The following PYM1 variants were observed in gnomAD, a reference collection of about 807,000 sequenced individuals.
The protein encoded by PYM1 is partner of Y14 and mago.
PYM1 carries 7 observed loss-of-function variants against 20.7 expected under a neutral mutation model. The ratio of observed to expected loss-of-function variants is 0.34; its 90% CI spans 0.19 to 0.64. The LOEUF is 0.64. Ranked by LOEUF, PYM1 falls within the 30% of genes least tolerant of loss-of-function variation. PYM1 has a pLI of 0.74. For missense variants in PYM1, 194 were observed against 250.0 expected (o/e 0.78, Z 1.51); for synonymous variants, 100 against 99.2 (o/e 1.01, Z -0.05).
intron 1 of PYM1, among the ~76,000 whole-genome samples, chr12:55,918,343 G>A (rs983256421): frequency 1.3e-5 from 2 of 152,006 alleles, no homozygotes; most frequent in Admixed American, 6.5e-5. Flanking sequence ...CTCATGATCC[G>A]CCCGCTTCGG....
intron 1 of PYM1, among the ~76,000 whole-genome samples, chr12:55,908,652 G>A (rs555827714): frequency 1.4e-4 from 21 of 152,110 alleles, no homozygotes; most frequent in Admixed American, 1.2e-3. Context: ...AGGAGTTCGA[G>A]ACCAGCCTGG....
intron 1 of PYM1, among the ~76,000 whole-genome samples, chr12:55,921,827 ATAAAT>A (rs1883102494): frequency 6.6e-6 from 1 of 152,236 alleles, no homozygotes; most frequent in African/African-American, 2.4e-5. Flanking sequence ...ATTGATATAC[ATAAAT>A]TAATAAAGGA....
chr12:55,904,104 A>T (rs965467949), intron 1 of PYM1, among the ~76,000 whole-genome samples: 2 of 151,932 alleles, frequency 1.3e-5, no homozygotes, highest in Admixed American at 1.3e-4. Context: ...AGTAGCTAGG[A>T]TTACAGGCCC....
At chr12:55,913,400 G>A (rs919661037) in intron 1 of PYM1, among the ~76,000 whole-genome samples, 6 of 152,162 alleles carry the variant, frequency 3.9e-5, no homozygotes, top group South Asian at 2.1e-4. Flanking sequence ...CATATGTAAC[G>A]TGAAAAGAGA....
At chr12:55,918,392 G>A (rs569647972) in intron 1 of PYM1, among the ~76,000 whole-genome samples, 8 of 151,346 alleles carry the variant, frequency 5.3e-5, no homozygotes, top group South Asian at 2.2e-4. Flanking sequence ...GAGCCACTGC[G>A]CCCAACCACA....
At chr12:55,910,901 C>G (rs1168711451) in intron 1 of PYM1, among the ~76,000 whole-genome samples, 1 of 152,066 alleles carries the variant, frequency 6.6e-6, no homozygotes, top group Non-Finnish European at 1.5e-5. Flanking sequence ...GTCTAAAGGC[C>G]TGAGATCGAT....
intron 1 of PYM1, chr12:55,927,031 C>T (rs1213063783): frequency 6.7e-7 from 1 of 1,488,594 alleles, no homozygotes; most frequent in Non-Finnish European, 9.0e-7. Context: ...CGAACCCCTG[C>T]CCCGAGAGCC....
chr12:55,926,888 G>A (rs892793496), intron 1 of PYM1, among the ~76,000 whole-genome samples: 1 of 152,310 alleles, frequency 6.6e-6, no homozygotes, highest in Non-Finnish European at 1.5e-5. Context: ...ACCGGAAGCA[G>A]AGACCCCAAA....
intron 1 of PYM1, among the ~76,000 whole-genome samples, chr12:55,910,486 A>G (rs1882903530): frequency 6.6e-6 from 1 of 152,040 alleles, no homozygotes; most frequent in Admixed American, 6.6e-5. Context: ...CCTGTTGCCC[A>G]GGCTGGAGTG....
chr12:55,924,390 C>T (rs895001106), intron 1 of PYM1, among the ~76,000 whole-genome samples: 4 of 152,016 alleles, frequency 2.6e-5, no homozygotes, highest in Non-Finnish European at 5.9e-5. Context: ...CACCTGTAAT[C>T]CCAACATTTT....
Position 55,901,942 on chromosome 12 carries a change from T to C in PYM1, c.545A>G (p.Glu182Gly), listed in dbSNP as rs1318023450. 6.2e-7 allele frequency: 1 copy of C among 1,614,130 alleles called. No homozygotes were observed. Among genetic ancestry groups the C allele is most frequent in the South Asian group, 1.1e-5 (1 of 91,080 alleles). Reference sequence around the variant, plus strand: ...CCTCCTTGCTAGCTTTTCTAGCTGCTCTTTGCTAGGCTGGCTGACTTCCCC... The same window carrying C: ...CCTCCTTGCTAGCTTTTCTAGCTGCCCTTTGCTAGGCTGGCTGACTTCCCC... ...QAGEVSQPSK[E>G]QLEKLARRRA... is the part of the protein sequence containing the mutation. The change falls in exon 3 of 3, where the codon GAG (glutamate) becomes GGG (glycine). Residue 182 changes from glutamate to glycine, a missense_variant. Physicochemically the swap from Glu to Gly is moderately conservative, Grantham distance 98. Around this residue, in one of 3 missense-constraint regions of PYM1, gnomAD observed 158 missense variants for 179.0 expected, o/e 0.88. Coordinates refer to ENST00000408946, the MANE Select transcript of PYM1 (RefSeq NM_032345.3).
chr12:55,909,153 G>A (rs749446401), intron 1 of PYM1, among the ~76,000 whole-genome samples: 13 of 152,098 alleles, frequency 8.5e-5, no homozygotes, highest in Non-Finnish European at 1.6e-4. Flanking sequence ...TAACTACTAT[G>A]GATATTTTTT....
In PYM1 at chr12:55,905,987, A is replaced by ATCTATTAGATATATATATTATTAT. The variant is rs1565714584; in HGVS notation, c.38-2508_38-2507insATAATAATATATATATCTAATAGA. On this transcript the variant is annotated intron_variant, in intron 1 of 2. Coordinates refer to ENST00000408946, the MANE Select transcript of PYM1 (RefSeq NM_032345.3). ...AATAGATATATATATTATTATATAT[A>ATCTATTAGATATATATATTATTAT]ATATAAAATAAATAAGTTTTCCAAA... Among the ~76,000 whole-genome samples, 16 of 124,474 alleles carry ATCTATTAGATATATATATTATTAT rather than the reference A, an allele frequency of 1.3e-4. 1 individual carries two copies. The highest frequency in any genetic ancestry group is 1.2e-3 in the East Asian group (6 of 4,944). The allele number at this position is 124,474 out of a possible 152,430, so 81.7% of individuals were successfully genotyped here.
At chr12:55,925,705 A>G (rs1883176040) in intron 1 of PYM1, among the ~76,000 whole-genome samples, 1 of 152,228 alleles carries the variant, frequency 6.6e-6, no homozygotes, top group East Asian at 1.9e-4. Flanking sequence ...GGAAAACAAA[A>G]AAGCAGTTTA....
intron 1 of PYM1, among the ~76,000 whole-genome samples, chr12:55,926,199 T>C (rs992965223): frequency 1.3e-5 from 2 of 152,244 alleles, no homozygotes; most frequent in Non-Finnish European, 2.9e-5. Context: ...TATTATTTGA[T>C]CATCATTGAG....
At chr12:55,910,919 T>A (rs571092190) in intron 1 of PYM1, among the ~76,000 whole-genome samples, 1 of 151,990 alleles carries the variant, frequency 6.6e-6, no homozygotes, top group Non-Finnish European at 1.5e-5. Flanking sequence ...GATAGAAAGG[T>A]TCAGGTTCAG....
intron 1 of PYM1, among the ~76,000 whole-genome samples, chr12:55,915,154 G>A (rs1882984227): frequency 7.0e-6 from 1 of 143,474 alleles, no homozygotes; most frequent in South Asian, 2.3e-4. Context: ...GGCAGAGGTT[G>A]CAGTAAGCCA....
chr12:55,902,481 GGTT>G, intron 2 of PYM1, 126 bp from the exon 3 acceptor site: 1 of 1,377,610 alleles, frequency 7.3e-7, no homozygotes, highest in South Asian at 1.5e-5. Flanking sequence ...GTTTTTGTGG[GGTT>G]GTTTGTTTTT....
rs577183136 is a variant in PYM1, at chr12:55,919,532, A to C, written c.37+8193T>G. ...AAGGATTCATATTTTAGAAAATAAC[A>C]GCCAATCTTAACAGTATAATTCAAA... is the stretch of plus-strand genomic sequence containing the variant. On this transcript the variant is annotated intron_variant, in intron 1 of 2. Coordinates refer to ENST00000408946, the MANE Select transcript of PYM1 (RefSeq NM_032345.3). 2.6e-5 allele frequency among the ~76,000 whole-genome samples: 4 copies of C among 152,328 alleles called. No individual in the cohort carries two copies. In the East Asian group the frequency reaches 7.7e-4, roughly 29 times the overall value.
Sources: gnomAD v4.1 joint callset for allele counts (sites outside exome capture counted in the v4.1 genomes callset) on GRCh38, gnomAD v4.1.1 for gene constraint, gnomAD v4.1.1 regional missense constraint, MANE v1.5 for transcripts, NCBI Gene and HGNC (gene_info 2026-07-23, HGNC 2026-07-21) for gene names.